The following TMEM236 variants were observed in gnomAD, a reference collection of about 807,000 sequenced individuals.
TMEM236 encodes family with sequence similarity 23, member A.
Under a neutral mutation model 14.7 loss-of-function variants are expected in TMEM236, and 11 were observed. That is an observed-to-expected ratio of 0.75 (90% CI 0.47 to 1.24). TMEM236 has a LOEUF of 1.24. Among genes scored for constraint, TMEM236 ranks in the 50% most tolerant of loss-of-function variants. The pLI is 0.00. For missense variants in TMEM236, 464 were observed against 427.3 expected (o/e 1.09, Z -0.76); for synonymous variants, 182 against 168.6 (o/e 1.08, Z -0.62).
chr10:17,782,554 C>A (rs1041830461), intron 3 of TMEM236, among the ~76,000 whole-genome samples: 1 of 152,118 alleles, frequency 6.6e-6, no homozygotes, highest in Non-Finnish European at 1.5e-5. Context: ...TGGGCTTAAG[C>A]GATTCTCGTG....
intron 1 of TMEM236, among the ~76,000 whole-genome samples, chr10:17,770,316 A>G (rs1281742710): frequency 7.2e-5 from 11 of 152,344 alleles, no homozygotes; most frequent in Middle Eastern, 6.8e-3. Flanking sequence ...ACCTTTGAGC[A>G]GGTATCTTTT....
intron 2 of TMEM236, among the ~76,000 whole-genome samples, chr10:17,771,870 AC>A (rs1175038899): frequency 6.6e-6 from 1 of 152,060 alleles, no homozygotes; most frequent in African/African-American, 2.4e-5. Flanking sequence ...TTGGATAGAA[AC>A]CAGCAGGGCA....
At chr10:17,785,021 G>A (rs1377599845) in intron 3 of TMEM236, among the ~76,000 whole-genome samples, 2 of 152,164 alleles carry the variant, frequency 1.3e-5, no homozygotes, top group South Asian at 2.1e-4. Flanking sequence ...AGATAGAAGC[G>A]TTAGGACTGA....
chr10:17,776,136 A>T lies in TMEM236; in HGVS notation c.438A>T (p.Lys146Asn). 6.2e-7 allele frequency: 1 copy of T among 1,613,206 alleles called. No homozygotes were observed. Among genetic ancestry groups the T allele is most frequent in the Non-Finnish European group, 8.5e-7 (1 of 1,179,558 alleles). Residue 146 changes from lysine to asparagine, a missense_variant, in exon 3 of 4, where the codon AAA becomes AAT. Physicochemically the swap from Lys to Asn is moderately conservative, Grantham distance 94. Transcript: ENST00000377495. ...TGATCATGGTTGATATTATTGAAAA[A>T]CTCAGGATATATCCTCTTAGAGGGA... is the stretch of plus-strand genomic sequence containing the variant. ...LSLIMVDIIE[K>N]LRIYPLRGSQ...
Position 17,795,570 on chromosome 10 carries a change from A to G in TMEM236, c.473-351A>G, listed in dbSNP as rs1398018400. ...CCTTCTCCACCTCTATGTTTTTTCA[A>G]TGTGCTACTTCAGTGTTATCTTGAA... On this transcript the variant is annotated intron_variant, in intron 3 of 3. Transcript: ENST00000377495. Among the ~76,000 whole-genome samples the G allele has an allele frequency of 4.6e-5, 7 of 152,220 alleles. No individual in the cohort carries two copies. In the South Asian group the frequency reaches 8.3e-4, roughly 18 times the overall value.
chr10:17,788,190 T>C (rs1200309830), intron 3 of TMEM236, among the ~76,000 whole-genome samples: 2 of 150,584 alleles, frequency 1.3e-5, no homozygotes, highest in African/African-American at 4.9e-5. Flanking sequence ...TAGAAATATA[T>C]ATCATTATAA....
At chr10:17,773,004 G>A (rs998507310) in intron 2 of TMEM236, among the ~76,000 whole-genome samples, 2 of 152,130 alleles carry the variant, frequency 1.3e-5, no homozygotes. Context: ...AATACCTGAA[G>A]CTCATTCGTT....
intron 1 of TMEM236, among the ~76,000 whole-genome samples, chr10:17,756,776 A>G (rs1837290867): frequency 6.6e-6 from 1 of 152,180 alleles, no homozygotes; most frequent in Non-Finnish European, 1.5e-5. Context: ...TGCCTCTTTG[A>G]AGGACAAGGT....
intron 1 of TMEM236, among the ~76,000 whole-genome samples, chr10:17,758,217 A>G (rs1284563313): frequency 2.6e-5 from 4 of 152,228 alleles, no homozygotes; most frequent in African/African-American, 9.6e-5. Flanking sequence ...CAAAGTAAGG[A>G]TTGAGCATAT....
intron 2 of TMEM236, among the ~76,000 whole-genome samples, chr10:17,772,326 A>C (rs1369106044): frequency 6.6e-6 from 1 of 152,224 alleles, no homozygotes; most frequent in Non-Finnish European, 1.5e-5. Context: ...CAATGTATGA[A>C]GGCATAGAAT....
rs1157233675 is a variant in TMEM236, at chr10:17,791,958, A to G, written c.473-3963A>G. 2.6e-5 allele frequency among the ~76,000 whole-genome samples: 4 copies of G among 152,348 alleles called. No homozygotes were observed. The South Asian group carries it at 6.2e-4, about 24-fold the overall frequency. On this transcript the variant is annotated intron_variant, in intron 3 of 3. Coordinates refer to ENST00000377495, the MANE Select transcript of TMEM236 (RefSeq NM_001098844.3). ...AACGTCTGTCTAGCCCAGGCTTGGTACGGCACTCTCATATTTGCTCATTAC... is the reference window on the plus strand; with the variant it reads ...AACGTCTGTCTAGCCCAGGCTTGGTGCGGCACTCTCATATTTGCTCATTAC...
At chr10:17,773,080 G>A (rs372915771) in intron 2 of TMEM236, among the ~76,000 whole-genome samples, 8,272 of 152,138 alleles carry the variant, frequency 0.054, 303 homozygotes, top group Non-Finnish European at 0.081. Context: ...ACTCTTGGTC[G>A]CCATCTTGGT....
intron 1 of TMEM236, among the ~76,000 whole-genome samples, chr10:17,760,011 A>AAAAAAAAT (rs1837335882): frequency 6.9e-6 from 1 of 145,902 alleles, no homozygotes; most frequent in African/African-American, 2.5e-5. Context: ...AAAAAAAAAA[A>AAAAAAAAT]GATTGCCCCG....
In TMEM236 at chr10:17,771,395, G is replaced by T. The variant is rs559211844; in HGVS notation, c.330+14G>T. 2.3e-4 allele frequency: 364 copies of T among 1,610,728 alleles called. No homozygotes were observed. In the East Asian group the frequency reaches 5.9e-3, roughly 26 times the overall value. ...GCAGTGACTGAGGTATGGAATTTTT[G>T]ATTTCTTCTGCTACAAGATTATGAG... On this transcript the variant is annotated intron_variant, in intron 2 of 3. Transcript: ENST00000377495.
At chr10:17,769,062 A>G (rs1314352875) in intron 1 of TMEM236, among the ~76,000 whole-genome samples, 1 of 152,210 alleles carries the variant, frequency 6.6e-6, no homozygotes, top group East Asian at 1.9e-4. Context: ...ATTAACCAAT[A>G]ACCCCTTCCT....
intron 1 of TMEM236, among the ~76,000 whole-genome samples, chr10:17,758,625 A>G (rs1319417825): frequency 6.6e-6 from 1 of 152,258 alleles, no homozygotes; most frequent in Non-Finnish European, 1.5e-5. Context: ...TGTAGTAATC[A>G]TTCATTGAAT....
chr10:17,774,798 T>TTCTCTC (rs781848506), intron 2 of TMEM236, among the ~76,000 whole-genome samples: 12,971 of 141,874 alleles, frequency 0.091, 1,132 homozygotes, highest in African/African-American at 0.22. Flanking sequence ...CCTACCTCCT[T>TTCTCTC]TCTCTCTCTC....
At chr10:17,792,793 T>C (rs1837947987) in intron 3 of TMEM236, among the ~76,000 whole-genome samples, 1 of 152,194 alleles carries the variant, frequency 6.6e-6, no homozygotes, top group African/African-American at 2.4e-5. Flanking sequence ...TTTGCACCAA[T>C]GAATATTGTT....
intron 1 of TMEM236, among the ~76,000 whole-genome samples, chr10:17,753,493 G>T (rs1837239228): frequency 6.6e-6 from 1 of 152,162 alleles, no homozygotes. Context: ...ATGAGAACAT[G>T]TGGGATTTGG....
Sources: gnomAD v4.1 joint callset for allele counts (sites outside exome capture counted in the v4.1 genomes callset) on GRCh38, gnomAD v4.1.1 for gene constraint, MANE v1.5 for transcripts, NCBI Gene and HGNC (gene_info 2026-07-23, HGNC 2026-07-21) for gene names.